Variants in THRAP3 observed in about 807,000 individuals in gnomAD.
THRAP3 encodes the protein thyroid hormone receptor associated protein 3, also known as thyroid hormone receptor-associated protein 3.
Under a neutral mutation model 101.0 loss-of-function variants are expected in THRAP3, and 16 were observed. The ratio of observed to expected loss-of-function variants is 0.16; its 90% CI spans 0.11 to 0.24. The LOEUF (loss-of-function observed/expected upper bound fraction) is 0.24. Among genes scored for constraint, THRAP3 ranks in the 10% least tolerant of loss-of-function variants. THRAP3 has a pLI of 1.00. For missense variants in THRAP3, 989 were observed against 1,202.7 expected, an observed-to-expected ratio of 0.82 and a Z score of 2.63; for synonymous variants, 407 against 422.6, an observed-to-expected ratio of 0.96 and a Z score of 0.45.
Position 36,253,501 on chromosome 1 carries a change from A to C in THRAP3, c.-134-5881A>C, listed in dbSNP as rs536442278. 2.0e-5 allele frequency among the ~76,000 whole-genome samples: 3 copies of C among 152,314 alleles called. No homozygotes were observed. The East Asian group carries it at 5.8e-4, about 29-fold the overall frequency. On this transcript the variant is annotated intron_variant, in intron 1 of 11. Transcript: ENST00000354618. ...TGACAGTATGAGAAGTGAATAAAGT[A>C]ATTTGACATTTCTTGAAATTGAAAC... is the stretch of plus-strand genomic sequence containing the variant.
chr1:36,271,622 A>G (rs1319924680), intron 2 of THRAP3, among the ~76,000 whole-genome samples: 1 of 100,836 alleles, frequency 9.9e-6, no homozygotes, highest in Non-Finnish European at 1.8e-5. Context: ...TTTGAGATGC[A>G]GTCTCTTTCT....
Position 36,304,116 on chromosome 1 carries a change from C to T in THRAP3, c.*99C>T. On this transcript the variant is annotated 3_prime_UTR_variant, in exon 12 of 12. Transcript: ENST00000354618. ...GGAACCTCAAGAAGATTCTGAAAAT[C>T]CTACCCCCACCCCCCACCAGCCGCA... is the stretch of plus-strand genomic sequence containing the variant. 2 of 1,423,974 alleles carry T rather than the reference C, an allele frequency of 1.4e-6. No individual in the cohort carries two copies. Among genetic ancestry groups the T allele is most frequent in the South Asian group, 1.5e-5 (1 of 64,584 alleles). 88.2% of individuals were successfully genotyped at this position (1,423,974 alleles called of 1,614,324 possible). A position where few individuals can be genotyped will look rare whatever the true frequency, so the allele number is the denominator to read the frequency against.
intron 4 of THRAP3, chr1:36,288,373 G>A (rs1262053547): frequency 2.0e-6 from 2 of 984,186 alleles, no homozygotes; most frequent in African/African-American, 3.5e-5. Context: ...TCCTCATAGT[G>A]TAGCTCCCAA....
At chr1:36,295,648 C>T (rs1257976779) in intron 8 of THRAP3, among the ~76,000 whole-genome samples, 1 of 150,790 alleles carries the variant, frequency 6.6e-6, no homozygotes, top group Non-Finnish European at 1.5e-5. Context: ...TCTTTGGTTT[C>T]TTTCCCCCTT....
chr1:36,239,354 T>G (rs771941912), intron 1 of THRAP3, among the ~76,000 whole-genome samples: 124 of 147,688 alleles, frequency 8.4e-4, no homozygotes, highest in Non-Finnish European at 1.4e-3. Flanking sequence ...CCGCCGCCCC[T>G]GCACCGGCTT....
At chr1:36,243,775 C>T (rs1196291730) in intron 1 of THRAP3, among the ~76,000 whole-genome samples, 3 of 138,150 alleles carry the variant, frequency 2.2e-5, no homozygotes, top group South Asian at 2.4e-4. Flanking sequence ...TAGGGGCGGC[C>T]GGGCAGAGGC....
chr1:36,233,623 C>T (rs1645053699), intron 1 of THRAP3, among the ~76,000 whole-genome samples: 1 of 151,158 alleles, frequency 6.6e-6, no homozygotes, highest in African/African-American at 2.4e-5. Context: ...AAAAATTAGC[C>T]GGTGTGGTGG....
intron 2 of THRAP3, among the ~76,000 whole-genome samples, chr1:36,268,319 A>G (rs1645540139): frequency 6.6e-6 from 1 of 152,048 alleles, no homozygotes; most frequent in Admixed American, 6.5e-5. Flanking sequence ...TTTATCATCC[A>G]AAGAAATACT....
the THRAP3 span, among the ~76,000 whole-genome samples, chr1:36,218,202 TA>T: frequency 4.7e-5 from 7 of 148,900 alleles, no homozygotes; most frequent in South Asian, 2.1e-4. Flanking sequence ...CTGTCTCTGC[TA>T]AAAAAAAATA....
At chr1:36,271,571 G>A (rs1387904679) in intron 2 of THRAP3, among the ~76,000 whole-genome samples, 1 of 144,528 alleles carries the variant, frequency 6.9e-6, no homozygotes, top group Non-Finnish European at 1.5e-5. Context: ...ATGAGCCACT[G>A]TGCCCAGGCT....
At chr1:36,302,121 A>C (rs1646037547) in intron 11 of THRAP3, among the ~76,000 whole-genome samples, 1 of 152,204 alleles carries the variant, frequency 6.6e-6, no homozygotes, top group Non-Finnish European at 1.5e-5. Flanking sequence ...TGTCTCTCCA[A>C]AATGAAATGC....
At chr1:36,214,001 AG>A in the THRAP3 span, among the ~76,000 whole-genome samples, 1 of 31,610 alleles carries the variant, frequency 3.2e-5, no homozygotes, top group South Asian at 1.3e-3. Flanking sequence ...AAGAAAGGAA[AG>A]AAAGAAAGAA....
At chr1:36,230,459 C>T (rs913982985) in intron 1 of THRAP3, among the ~76,000 whole-genome samples, 6 of 151,834 alleles carry the variant, frequency 4.0e-5, no homozygotes, top group Admixed American at 2.6e-4. Flanking sequence ...GATGAGGTTT[C>T]GCCAAGTTGG....
At chr1:36,278,218 A>G (rs1487214561) in intron 2 of THRAP3, among the ~76,000 whole-genome samples, 1 of 151,762 alleles carries the variant, frequency 6.6e-6, no homozygotes, top group Admixed American at 6.6e-5. Flanking sequence ...GGTGCCTGCC[A>G]CCACATTTGA....
rs528736033 is a variant in THRAP3, at chr1:36,250,413, T to C, written c.-134-8969T>C. On this transcript the variant is annotated intron_variant, in intron 1 of 11. Transcript: ENST00000354618. ...ATTTTTAGTAGAGACCAGGTTTCAC[T>C]ATGTTGGCCGGGATGGTCTGGATCT... Among the ~76,000 whole-genome samples the C allele has an allele frequency of 3.3e-5, 5 of 151,902 alleles. No individual in the cohort carries two copies. The East Asian group carries it at 9.8e-4, about 30-fold the overall frequency.
In THRAP3 at chr1:36,289,542, G is replaced by T. The variant is rs200226653; in HGVS notation, c.1523G>T (p.Ser508Ile). ...AAAAAGGAAGATCGGGGCAAGAGAA[G>T]CGAAGGTGGGCACAGGGGCTTTGTG... ...RSKKEDRGKR[S>I]EGGHRGFVPE... The change falls in exon 5 of 12, where the codon AGC (serine) becomes ATC (isoleucine). Residue 508 changes from serine (S) to isoleucine (I), a missense_variant. Transcript: ENST00000354618. 1 of 1,614,124 alleles carries T rather than the reference G, an allele frequency of 6.2e-7. No homozygotes were observed. The highest frequency in any genetic ancestry group is 1.3e-5 in the African/African-American group (1 of 75,040).
intron 3 of THRAP3, among the ~76,000 whole-genome samples, chr1:36,285,998 C>T (rs1277346609): frequency 6.6e-6 from 1 of 152,124 alleles, no homozygotes; most frequent in African/African-American, 2.4e-5. Context: ...ACCTGGAGCC[C>T]TGTTAAAATC....
Position 36,305,317 on chromosome 1 carries a change from A to G in THRAP3, c.*1300A>G, listed in dbSNP as rs796109572. 1.0e-5 allele frequency: 2 copies of G among 190,496 alleles called. No individual in the cohort carries two copies. The highest frequency in any genetic ancestry group is 4.7e-5 in the African/African-American group (2 of 42,888). 11.8% of individuals were successfully genotyped at this position (190,496 alleles called of 1,614,324 possible). A position where few individuals can be genotyped will look rare whatever the true frequency, so the allele number is the denominator to read the frequency against. The stretch of plus-strand genomic sequence containing the variant: ...AAAATCTCCCTTAAAATTTGTTTCA[A>G]CTCCTCCTGCAAATAAAATAAATGA... On this transcript the variant is annotated 3_prime_UTR_variant, in exon 12 of 12. Transcript: ENST00000354618.
chr1:36,253,973 A>G lies in THRAP3; in HGVS notation c.-134-5409A>G, dbSNP rs563477555. On this transcript the variant is annotated intron_variant, in intron 1 of 11. Coordinates refer to ENST00000354618, the MANE Select transcript of THRAP3 (RefSeq NM_005119.4). ...TGCAGCAAAAGCTAACTTCAAAGCT[A>G]TTTGGTATCCGCAACAGTAATAGTG... 3.3e-5 allele frequency among the ~76,000 whole-genome samples: 5 copies of G among 152,088 alleles called. No individual in the cohort carries two copies. The East Asian group carries it at 5.8e-4, about 18-fold the overall frequency.
Sources: gnomAD v4.1 joint callset for allele counts (sites outside exome capture counted in the v4.1 genomes callset) on GRCh38, gnomAD v4.1.1 for gene constraint, MANE v1.5 for transcripts, NCBI Gene and HGNC (gene_info 2026-07-23, HGNC 2026-07-21) for gene names.